SLC16A12: variants seen among roughly 807,000 people sequenced by gnomAD.
SLC16A12 encodes monocarboxylate transporter 12.
SLC16A12 carries 17 observed loss-of-function variants against 42.4 expected under a neutral mutation model. That is an observed-to-expected ratio of 0.40 (90% CI 0.27 to 0.60). SLC16A12 has a LOEUF of 0.60. Among genes scored for constraint, SLC16A12 ranks in the 20% least tolerant of loss-of-function variants. The probability of loss-of-function intolerance (pLI) is 0.42; values close to 1 mark genes in which losing one functional copy is unlikely to be tolerated. For missense variants in SLC16A12, 544 were observed against 623.0 expected (o/e 0.87, Z 1.35); for synonymous variants, 224 against 229.4 (o/e 0.98, Z 0.21).
chr10:89,510,823 A>C (rs1345934869), intron 2 of SLC16A12, among the ~76,000 whole-genome samples: 1 of 152,214 alleles, frequency 6.6e-6, no homozygotes, highest in Non-Finnish European at 1.5e-5. Flanking sequence ...AATTTTTGAA[A>C]TCTATCCATC....
intron 2 of SLC16A12, among the ~76,000 whole-genome samples, chr10:89,498,089 C>G (rs303184): frequency 0.22 from 33,366 of 152,084 alleles, 4,450 homozygotes; most frequent in Non-Finnish European, 0.31. Context: ...GCAGGCAGAG[C>G]CCACAAGTTC....
At chr10:89,534,772 T>C (rs1843624301) in intron 1 of SLC16A12, 132 bp from the exon 2 acceptor site, 1 of 150,820 alleles carries the variant, frequency 6.6e-6, no homozygotes, top group African/African-American at 2.5e-5. Context: ...GAGGTTGCAA[T>C]GAGCTGAGAT....
At chr10:89,470,670 G>C (rs1487176122) in intron 2 of SLC16A12, among the ~76,000 whole-genome samples, 1 of 152,204 alleles carries the variant, frequency 6.6e-6, no homozygotes, top group Non-Finnish European at 1.5e-5. Flanking sequence ...CAACAAGAAA[G>C]GTTGGGAATT....
intron 2 of SLC16A12, among the ~76,000 whole-genome samples, chr10:89,544,252 T>C (rs1843731279): frequency 6.6e-6 from 1 of 152,230 alleles, no homozygotes; most frequent in Non-Finnish European, 1.5e-5. Flanking sequence ...CTAAGGCTTC[T>C]TCTGAGAATA....
intron 3 of SLC16A12, among the ~76,000 whole-genome samples, chr10:89,447,473 A>G (rs988241803): frequency 3.3e-5 from 5 of 152,244 alleles, no homozygotes; most frequent in South Asian, 4.1e-4. Context: ...CCACTCAACT[A>G]CATGGAAACT....
At chr10:89,485,354 G>C (rs1842728759) in intron 2 of SLC16A12, among the ~76,000 whole-genome samples, 1 of 152,210 alleles carries the variant, frequency 6.6e-6, no homozygotes, top group Admixed American at 6.5e-5. Flanking sequence ...AAACTATGTG[G>C]CTTCAACAAA....
chr10:89,539,631 C>G (rs551737416), upstream of SLC16A12, among the ~76,000 whole-genome samples: 1 of 152,210 alleles, frequency 6.6e-6, no homozygotes, highest in South Asian at 2.1e-4. Flanking sequence ...TTGGGGTGTC[C>G]AGGTCAAGAT....
At chr10:89,518,864 A>T (rs916568492) in intron 2 of SLC16A12, among the ~76,000 whole-genome samples, 12 of 152,294 alleles carry the variant, frequency 7.9e-5, no homozygotes, top group African/African-American at 2.9e-4. Flanking sequence ...GCTTTTTCCT[A>T]TTATCATATC....
chr10:89,529,369 AC>A (rs990728203), intron 2 of SLC16A12, among the ~76,000 whole-genome samples: 30 of 152,334 alleles, frequency 2.0e-4, no homozygotes, highest in African/African-American at 6.7e-4. Flanking sequence ...TTTGAAAAAA[AC>A]ATAGTCTACA....
chr10:89,443,906 G>T, intron 3 of SLC16A12, 47 bp from the exon 4 acceptor site: 3 of 1,212,940 alleles, frequency 2.5e-6, no homozygotes, highest in African/African-American at 1.5e-5. Flanking sequence ...GAATGAGCAT[G>T]CATTTGAGCC....
At chr10:89,443,907 C>T (rs759296903) in intron 3 of SLC16A12, 48 bp from the exon 4 acceptor site, 17 of 1,201,502 alleles carry the variant, frequency 1.4e-5, no homozygotes, top group Non-Finnish European at 1.7e-5. Context: ...AATGAGCATG[C>T]ATTTGAGCCA....
intron 6 of SLC16A12, among the ~76,000 whole-genome samples, chr10:89,437,643 T>C (rs759693652): frequency 6.6e-6 from 1 of 152,056 alleles, no homozygotes; most frequent in Non-Finnish European, 1.5e-5. Flanking sequence ...CTTTAACCAT[T>C]AAAAATGTGG....
chr10:89,470,906 C>A (rs904777796), intron 2 of SLC16A12, among the ~76,000 whole-genome samples: 1 of 116,426 alleles, frequency 8.6e-6, no homozygotes, highest in Non-Finnish European at 2.0e-5. Context: ...CCACCTCCCC[C>A]ACCACTACCA....
intron 2 of SLC16A12, among the ~76,000 whole-genome samples, chr10:89,468,494 T>C (rs1378616646): frequency 1.3e-5 from 2 of 152,178 alleles, no homozygotes; most frequent in Non-Finnish European, 2.9e-5. Flanking sequence ...GATTTCAAAA[T>C]TGTTATTGGC....
chr10:89,450,523 T>G (rs1842077758), intron 3 of SLC16A12, among the ~76,000 whole-genome samples: 1 of 152,140 alleles, frequency 6.6e-6, no homozygotes, highest in Non-Finnish European at 1.5e-5. Context: ...AACCAAACAC[T>G]GCATGTTCTC....
At chr10:89,451,837 T>C (rs976009384) in intron 3 of SLC16A12, among the ~76,000 whole-genome samples, 1 of 152,182 alleles carries the variant, frequency 6.6e-6, no homozygotes, top group East Asian at 1.9e-4. Context: ...AGATGTCCCA[T>C]AAGCACAGTG....
rs763207485 is a variant in SLC16A12, at chr10:89,441,157, T to A, written c.399A>T (p.Ser133=). ...AGAGATGCTTCAGACTCGTGGCAAA[T>A]GAGCTCAGGATGAGTCCAGTAGATG... ...LLASTGLILS[S]FATSLKHLYL... The change falls in exon 5 of 8, where the codon TCA becomes TCT. Residue 133 remains serine, a synonymous_variant. Transcript: ENST00000371790. The A allele has an allele frequency of 6.2e-7, 1 of 1,613,884 alleles. No individual in the cohort carries two copies. The highest frequency in any genetic ancestry group is 1.1e-5 in the South Asian group (1 of 91,072).
intron 2 of SLC16A12, among the ~76,000 whole-genome samples, chr10:89,480,571 A>G (rs2009786655): frequency 6.6e-6 from 1 of 152,206 alleles, no homozygotes; most frequent in South Asian, 2.1e-4. Context: ...GCTATACAGG[A>G]GCATATAGTA....
At chr10:89,436,901 A>AAAGAAAGAAAGAAAGAAAGAAAGAAAGG (rs1564567563) in intron 6 of SLC16A12, among the ~76,000 whole-genome samples, 3 of 150,074 alleles carry the variant, frequency 2.0e-5, no homozygotes, top group African/African-American at 7.5e-5. Context: ...AGAAAGAAAG[A>AAAGAAAGAAAGAAAGAAAGAAAGAAAGG]AAGAAAGAAA....
Sources: allele counts gnomAD v4.1 joint callset (sites outside exome capture counted in the v4.1 genomes callset), GRCh38; gene constraint gnomAD v4.1.1; transcripts MANE v1.5; gene names NCBI Gene and HGNC (gene_info 2026-07-23, HGNC 2026-07-21).